The following MIER1 variants were observed in gnomAD, a reference collection of about 807,000 sequenced individuals.
The protein encoded by MIER1 is MIER1 transcriptional regulator, also known as mesoderm induction early response protein 1.
Under a neutral mutation model 75.7 loss-of-function variants are expected in MIER1, and 40 were observed. That is an observed-to-expected ratio of 0.53 (90% confidence interval 0.41 to 0.69). MIER1 has a LOEUF of 0.69. MIER1 is among the 30% of genes least tolerant of loss of function. The pLI is 0.00. For synonymous variants in MIER1, 213 were observed against 223.4 expected, an observed-to-expected ratio of 0.95 and a Z score of 0.42; for missense variants, 574 against 680.2, an observed-to-expected ratio of 0.84 and a Z score of 1.74.
rs1382021393 is a variant in MIER1, at chr1:66,973,010, T to A, written c.1101+19T>A. ...TAATAAAGTAAGTAATGATAATCTC[T>A]TTTTTGCAAAAAGAAATTTAGTTGA... On this transcript the variant is annotated intron_variant, in intron 11 of 13. Transcript: ENST00000401041. The A allele has an allele frequency of 1.4e-6, 2 of 1,427,684 alleles. No homozygotes were observed. The highest frequency in any genetic ancestry group is 1.4e-5 in the African/African-American group (1 of 70,998). The allele number at this position is 1,427,684 out of a possible 1,614,324, so 88.4% of individuals were successfully genotyped here.
intron 4 of MIER1, chr1:66,946,716 A>G: frequency 2.8e-5 from 28 of 986,206 alleles, no homozygotes; most frequent in Non-Finnish European, 3.4e-5. Context: ...CCACTACATA[A>G]AGTGCTCTAG....
chr1:66,926,063 A>G (rs987750078), intron 1 of MIER1, 79 bp from the exon 2 acceptor site: 2 of 1,144,578 alleles, frequency 1.7e-6, no homozygotes, highest in Non-Finnish European at 2.6e-6. Flanking sequence ...CTTTTTAAAA[A>G]TGCGAAACAG....
intron 8 of MIER1, among the ~76,000 whole-genome samples, chr1:66,965,433 G>A (rs1337505871): frequency 1.3e-5 from 2 of 151,754 alleles, no homozygotes; most frequent in Non-Finnish European, 1.5e-5. Context: ...TTTTATTGCA[G>A]TATACTTTGT....
At chr1:66,939,830 C>T (rs1296587989) in intron 2 of MIER1, among the ~76,000 whole-genome samples, 198 bp from the exon 3 acceptor site, 1 of 151,976 alleles carries the variant, frequency 6.6e-6, no homozygotes, top group African/African-American at 2.4e-5. Flanking sequence ...TTTCTTTATG[C>T]TTAAATATAA....
At position 66,973,005 on chromosome 1, in the gene MIER1, ATC is replaced by A; in HGVS notation, c.1101+18_1101+19del. 1 of 1,491,514 alleles carries A rather than the reference ATC, an allele frequency of 6.7e-7. No homozygotes were observed. The highest frequency in any genetic ancestry group is 9.3e-7 in the Non-Finnish European group (1 of 1,072,686). 92.4% of individuals were successfully genotyped at this position (1,491,514 alleles called of 1,614,324 possible). A position where few individuals can be genotyped will look rare whatever the true frequency, so the allele number is the denominator to read the frequency against. Reference sequence around the variant, plus strand: ...CAGGCTAATAAAGTAAGTAATGATAATCTCTTTTTTGCAAAAAGAAATTTAGT... The same window carrying A: ...CAGGCTAATAAAGTAAGTAATGATAATCTTTTTTGCAAAAAGAAATTTAGT... On this transcript the variant is annotated intron_variant, in intron 11 of 13. Transcript: ENST00000401041.
At chr1:66,939,374 G>A (rs1925412) in intron 2 of MIER1, among the ~76,000 whole-genome samples, 120,009 of 152,032 alleles carry the variant, frequency 0.79, 47,782 homozygotes, top group East Asian at 0.88. Flanking sequence ...GTAGAATGGT[G>A]GAGTGGAAGG....
At chr1:66,939,958 A>G in intron 2 of MIER1, 70 bp from the exon 3 acceptor site, 2 of 1,242,390 alleles carry the variant, frequency 1.6e-6, no homozygotes, top group Non-Finnish European at 2.3e-6. Context: ...GTCATTGAAT[A>G]ATTTCGGTAA....
chr1:66,984,126 A>C lies in MIER1; in HGVS notation c.1370-446A>C, dbSNP rs182021708. ...GCAGTTTACTCAAGCTTTTTAAAGA[A>C]AGAGCATTCATCTTGCTTTTACGTG... On this transcript the variant is annotated intron_variant, in intron 13 of 13. Coordinates refer to ENST00000401041, the MANE Select transcript of MIER1 (RefSeq NM_001077700.3). 3.3e-4 allele frequency among the ~76,000 whole-genome samples: 51 copies of C among 152,370 alleles called. No homozygotes were observed. In the East Asian group the frequency reaches 8.5e-3, roughly 25 times the overall value.
chr1:66,957,146 A>G (rs779934188), intron 4 of MIER1, among the ~76,000 whole-genome samples: 2 of 152,154 alleles, frequency 1.3e-5, no homozygotes, highest in Non-Finnish European at 2.9e-5. Context: ...TTTTCTTTTT[A>G]TAATCAGAAT....
At chr1:66,964,474 T>TA (rs1661955035) in intron 8 of MIER1, among the ~76,000 whole-genome samples, 3 of 127,404 alleles carry the variant, frequency 2.4e-5, no homozygotes, top group Non-Finnish European at 5.2e-5. Flanking sequence ...TTTTTTGAGA[T>TA]AGAGTTTTGC....
At chr1:66,968,951 C>T (rs1306087777) in intron 8 of MIER1, among the ~76,000 whole-genome samples, 1 of 152,088 alleles carries the variant, frequency 6.6e-6, no homozygotes, top group East Asian at 1.9e-4. Context: ...GCCTTGTCTA[C>T]CCCAAAGATC....
chr1:66,929,089 T>TA, intron 2 of MIER1: 3 of 685,062 alleles, frequency 4.4e-6, no homozygotes, highest in Non-Finnish European at 7.6e-6. Context: ...AAATGCTTGA[T>TA]AGAGTCTAGA....
At chr1:66,955,991 A>C (rs1045029119) in intron 4 of MIER1, among the ~76,000 whole-genome samples, 1 of 152,214 alleles carries the variant, frequency 6.6e-6, no homozygotes, top group Non-Finnish European at 1.5e-5. Context: ...TGGTACTTCT[A>C]AAGATCTAAT....
chr1:66,975,381 C>G (rs1209846354), intron 11 of MIER1, among the ~76,000 whole-genome samples: 1 of 151,792 alleles, frequency 6.6e-6, no homozygotes, highest in Non-Finnish European at 1.5e-5. Context: ...AGAAAAATTA[C>G]CTGAGTTTGG....
At position 66,972,455 on chromosome 1, in the gene MIER1, C is replaced by T. The variant is rs144912830; in HGVS notation, c.1007-442C>T. On this transcript the variant is annotated intron_variant, in intron 10 of 13. Coordinates refer to ENST00000401041, the MANE Select transcript of MIER1 (RefSeq NM_001077700.3). Reference sequence around the variant, plus strand: ...GAAACCTGTAGTAATGGGACTTAACCTATTTGCAGAGAGGGTAGTGCTTTT... The same window carrying T: ...GAAACCTGTAGTAATGGGACTTAACTTATTTGCAGAGAGGGTAGTGCTTTT... Among the ~76,000 whole-genome samples, 7 of 151,760 alleles carry T rather than the reference C, an allele frequency of 4.6e-5. No homozygotes were observed. The East Asian group carries it at 9.7e-4, about 21-fold the overall frequency.
chr1:66,960,804 A>G (rs12742428), intron 7 of MIER1, among the ~76,000 whole-genome samples: 88,299 of 152,074 alleles, frequency 0.58, 27,799 homozygotes, highest in East Asian at 0.84. Flanking sequence ...TGTGTGGCCT[A>G]TTTGGGCAAG....
At position 66,958,136 on chromosome 1, in the gene MIER1, G is replaced by GGAAGAGGAA. The variant is rs767441210; in HGVS notation, c.432_440dup (p.Glu145_Glu147dup). 2 of 1,607,400 alleles carry GGAAGAGGAA rather than the reference G, an allele frequency of 1.2e-6. No homozygotes were observed. The highest frequency in any genetic ancestry group is 1.7e-5 in the Admixed American group (1 of 59,954). Reference sequence around the variant, plus strand: ...CTGTTCGACTACCTGAAGAAGATGAGGAAGAGGAAGAAGAGGAAGAAGAAG... The same window carrying GGAAGAGGAA: ...CTGTTCGACTACCTGAAGAAGATGAGGAAGAGGAAGAAGAGGAAGAAGAGGAAGAAGAAG... On this transcript the variant is annotated inframe_insertion, in exon 5 of 14. Transcript: ENST00000401041.
chr1:66,928,920 G>C (rs769680050), intron 2 of MIER1: 3 of 1,609,042 alleles, frequency 1.9e-6, no homozygotes, highest in Non-Finnish European at 2.5e-6. Flanking sequence ...ATGTTTAATT[G>C]GTTTACAGAC....
rs185550844 is a variant in MIER1 at position 66,982,070 on chromosome 1, T to C, written c.1369+152T>C. ...GACAAACATAACATCAGCATACATA[T>C]ATACTAACAGAATACAAAGTGATTG... On this transcript the variant is annotated intron_variant, in intron 13 of 13. Coordinates refer to ENST00000401041, the MANE Select transcript of MIER1 (RefSeq NM_001077700.3). The C allele has an allele frequency of 1.3e-3, 876 of 688,534 alleles. 20 individuals carry two copies. In the Admixed American group the frequency reaches 0.024, roughly 19 times the overall value. The allele number at this position is 688,534 out of a possible 1,614,324, so 42.7% of individuals were successfully genotyped here.
Sources: allele counts gnomAD v4.1 joint callset (sites outside exome capture counted in the v4.1 genomes callset), GRCh38; gene constraint gnomAD v4.1.1; transcripts MANE v1.5; gene names NCBI Gene and HGNC (gene_info 2026-07-23, HGNC 2026-07-21).